HACD3: variants seen among roughly 807,000 people sequenced by gnomAD.
HACD3 encodes the protein very-long-chain (3R)-3-hydroxyacyl-CoA dehydratase 3.
Under a neutral mutation model 55.2 loss-of-function variants are expected in HACD3, and 30 were observed. The observed-to-expected ratio is 0.54, with a 90% CI of 0.41 to 0.74. The LOEUF (loss-of-function observed/expected upper bound fraction) is 0.74. Among genes scored for constraint, HACD3 ranks in the 30% least tolerant of loss-of-function variants. The probability of loss-of-function intolerance (pLI) is 0.00; values close to 1 mark genes in which losing one functional copy is unlikely to be tolerated. For missense variants in HACD3, 363 were observed against 440.1 expected (o/e 0.82, Z 1.57); for synonymous variants, 141 against 151.7 (o/e 0.93, Z 0.52).
intron 1 of HACD3, among the ~76,000 whole-genome samples, chr15:65,549,158 G>C (rs1018912351): frequency 3.3e-5 from 5 of 152,138 alleles, no homozygotes; most frequent in African/African-American, 1.2e-4. Flanking sequence ...ACATCGAAAA[G>C]TTAACACGGT....
intron 1 of HACD3, among the ~76,000 whole-genome samples, chr15:65,548,612 A>G (rs1449660519): frequency 6.6e-6 from 1 of 151,740 alleles, no homozygotes; most frequent in Non-Finnish European, 1.5e-5. Context: ...TTAGTCTGTC[A>G]TCCAGGCTGG....
At chr15:65,555,627 C>T (rs2072181704) in intron 3 of HACD3, among the ~76,000 whole-genome samples, 1 of 152,126 alleles carries the variant, frequency 6.6e-6, no homozygotes, top group Non-Finnish European at 1.5e-5. Flanking sequence ...ACCAGTGGTA[C>T]AGTGGGCAGA....
At chr15:65,574,348 A>G (rs2072379918) in intron 10 of HACD3, 1 of 152,256 alleles carries the variant, frequency 6.6e-6, no homozygotes, top group Non-Finnish European at 1.5e-5. Context: ...TACTCATGGC[A>G]TGGCTTCCCC....
At chr15:65,571,415 G>T in intron 8 of HACD3, 133 bp from the exon 9 acceptor site, 1 of 638,762 alleles carries the variant, frequency 1.6e-6, no homozygotes, top group South Asian at 2.0e-5. Context: ...TGGGTTGATA[G>T]CCAGCGTTAT....
chr15:65,547,714 A>G (rs1324157919), intron 1 of HACD3, among the ~76,000 whole-genome samples: 1 of 152,334 alleles, frequency 6.6e-6, no homozygotes, highest in East Asian at 1.9e-4. Context: ...GATAAATACT[A>G]ATGATTTGAA....
At chr15:65,538,557 A>T (rs2071986901) in intron 1 of HACD3, among the ~76,000 whole-genome samples, 2 of 152,252 alleles carry the variant, frequency 1.3e-5, no homozygotes, top group African/African-American at 4.8e-5. Context: ...TCTATTTCTG[A>T]TGAAGATGCT....
chr15:65,573,450 G>A (rs1567341674), intron 10 of HACD3, among the ~76,000 whole-genome samples: 1 of 151,840 alleles, frequency 6.6e-6, no homozygotes, highest in South Asian at 2.1e-4. Flanking sequence ...TCTACTAAAA[G>A]TACAAAAATT....
At chr15:65,549,336 C>A (rs2072108312) in intron 1 of HACD3, among the ~76,000 whole-genome samples, 1 of 150,992 alleles carries the variant, frequency 6.6e-6, no homozygotes, top group African/African-American at 2.4e-5. Context: ...AGCTGTAGTC[C>A]CAGCACTTTG....
intron 10 of HACD3, chr15:65,574,359 C>CA (rs1480517068): frequency 1.3e-5 from 2 of 152,202 alleles, no homozygotes; most frequent in Non-Finnish European, 2.9e-5. Context: ...TGGCTTCCCC[C>CA]AAAGCAATTG....
At position 65,570,109 on chromosome 15, in the gene HACD3, A is replaced by G; in HGVS notation, c.679A>G (p.Ile227Val). The change falls in exon 8 of 11, where the codon ATT (isoleucine) becomes GTT (valine). Residue 227 changes from isoleucine (I) to valine (V), a missense_variant. Transcript: ENST00000261875. ...SLIQLLGRNF[I>V]LFIIFGTMEE... ...CTAATAGCTTCTTGGAAGAAATTTT[A>G]TTTTGTTTATCATCTTTGGCACCAT... is the stretch of plus-strand genomic sequence containing the variant. The G allele has an allele frequency of 6.2e-7, 1 of 1,606,532 alleles. No individual in the cohort carries two copies. The highest frequency in any genetic ancestry group is 8.5e-7 in the Non-Finnish European group (1 of 1,175,996).
intron 5 of HACD3, 24 bp downstream of exon 5, chr15:65,558,755 A>G: frequency 6.3e-7 from 1 of 1,587,520 alleles, no homozygotes; most frequent in Non-Finnish European, 8.6e-7. Flanking sequence ...CTGCCATGGT[A>G]GTTACCAGTT....
At chr15:65,557,712 A>G (rs1890325964) in intron 4 of HACD3, among the ~76,000 whole-genome samples, 1 of 152,190 alleles carries the variant, frequency 6.6e-6, no homozygotes, top group South Asian at 2.1e-4. Context: ...TCTGCATAGG[A>G]GAATAATTAT....
At chr15:65,551,651 T>C in intron 1 of HACD3, 25 bp from the exon 2 acceptor site, 1 of 1,613,858 alleles carries the variant, frequency 6.2e-7, no homozygotes, top group Non-Finnish European at 8.5e-7. Context: ...AAATGCCTTC[T>C]TGCATCCTTG....
At chr15:65,536,755 C>G (rs2071959109) in intron 1 of HACD3, among the ~76,000 whole-genome samples, 1 of 152,042 alleles carries the variant, frequency 6.6e-6, no homozygotes, top group Admixed American at 6.6e-5. Flanking sequence ...GTCTCAAAAA[C>G]AAAACAAACA....
In HACD3 at chr15:65,570,132, C is replaced by T. The variant is rs1177447996; in HGVS notation, c.702C>T (p.Thr234=). ...TTATTTTGTTTATCATCTTTGGCAC[C>T]ATGGAAGAAATGCAGAACAAAGCTG... ...RNFILFIIFG[T]MEEMQNKAVV... is the part of the protein sequence containing the mutation. Residue 234 remains threonine, a synonymous_variant, in exon 8 of 11, where the codon ACC becomes ACT. Coordinates refer to ENST00000261875, the MANE Select transcript of HACD3 (RefSeq NM_016395.4). The T allele has an allele frequency of 6.2e-7, 1 of 1,612,470 alleles. No homozygotes were observed. Among genetic ancestry groups the T allele is most frequent in the Admixed American group, 1.7e-5 (1 of 59,888 alleles).
At chr15:65,561,603 T>A (rs191810834) in intron 5 of HACD3, among the ~76,000 whole-genome samples, 19 of 152,314 alleles carry the variant, frequency 1.2e-4, no homozygotes, top group African/African-American at 4.6e-4. Context: ...CAACTGCTTT[T>A]TCCTATTTTC....
At chr15:65,558,067 G>A (rs1567336989) in intron 4 of HACD3, among the ~76,000 whole-genome samples, 1 of 150,572 alleles carries the variant, frequency 6.6e-6, no homozygotes, top group Non-Finnish European at 1.5e-5. Flanking sequence ...TGTTCTTATT[G>A]TGGAATAGCA....
chr15:65,541,866 GA>G (rs201788642), intron 1 of HACD3, among the ~76,000 whole-genome samples: 7 of 149,992 alleles, frequency 4.7e-5, no homozygotes, highest in Non-Finnish European at 8.9e-5. Flanking sequence ...TTATTTAGGT[GA>G]AAAAAAAAGC....
chr15:65,556,521 T>C (rs1190686153), intron 3 of HACD3, among the ~76,000 whole-genome samples: 1 of 152,256 alleles, frequency 6.6e-6, no homozygotes, highest in South Asian at 2.1e-4. Flanking sequence ...CAGCTCCTCC[T>C]GTGTGGCCCG....
Sources: allele counts gnomAD v4.1 joint callset (sites outside exome capture counted in the v4.1 genomes callset), GRCh38; gene constraint gnomAD v4.1.1; transcripts MANE v1.5; gene names NCBI Gene and HGNC (gene_info 2026-07-23, HGNC 2026-07-21).